Variants in FAM193A observed in about 807,000 individuals in gnomAD.
FAM193A encodes family with sequence similarity 193 member A, also known as protein FAM193A.
Under a neutral mutation model 126.5 loss-of-function variants are expected in FAM193A, and 22 were observed. That is an observed-to-expected ratio of 0.17 (90% CI 0.12 to 0.25). The LOEUF is 0.25. FAM193A is among the 10% of genes least tolerant of loss of function. The pLI, the probability that FAM193A is intolerant of heterozygous loss-of-function variation, is 1.00. For missense variants in FAM193A, 1,675 were observed against 1,672.8 expected (o/e 1.00, Z -0.02); for synonymous variants, 761 against 646.8 (o/e 1.18, Z -2.68).
At chr4:2,723,786 G>T (rs1720423811) in intron 20 of FAM193A, among the ~76,000 whole-genome samples, 1 of 146,428 alleles carries the variant, frequency 6.8e-6, no homozygotes, top group Non-Finnish European at 1.5e-5. Context: ...GGAGGGTTGG[G>T]GTTTCTGGGT....
intron 13 of FAM193A, among the ~76,000 whole-genome samples, chr4:2,678,748 G>A (rs962659270): frequency 6.6e-6 from 1 of 152,192 alleles, no homozygotes; most frequent in Non-Finnish European, 1.5e-5. Context: ...GTATAGACAT[G>A]CAGCTGATTT....
chr4:2,668,064 C>G (rs1713332337), intron 12 of FAM193A, among the ~76,000 whole-genome samples: 1 of 152,012 alleles, frequency 6.6e-6, no homozygotes, highest in Non-Finnish European at 1.5e-5. Flanking sequence ...GCCGCCATGA[C>G]CGGCTAAGTT....
Position 2,689,651 on chromosome 4 carries a change from T to C in FAM193A, c.2477T>C (p.Val826Ala), listed in dbSNP as rs1716134804. 2.5e-6 allele frequency: 4 copies of C among 1,576,382 alleles called. No individual in the cohort carries two copies. The highest frequency in any genetic ancestry group is 3.4e-6 in the Non-Finnish European group (4 of 1,168,030). Residue 826 changes from valine (V) to alanine (A), a missense_variant, in exon 14 of 21, where the codon GTG becomes GCG. By Grantham distance (64) the Val-to-Ala change is moderately conservative. Around this residue, in one of 4 missense-constraint regions of FAM193A, gnomAD observed 1,186 missense variants for 1,109.2 expected, o/e 1.07. Transcript: ENST00000637812. The stretch of plus-strand genomic sequence containing the variant: ...TTTATAAGTCTTTGGGGATCAGAAG[T>C]GATGAATGATAAGAACTGGAATCCT... ...SKFISLWGSE[V>A]MNDKNWNPGT...
At chr4:2,538,486 C>A (rs1737025490) in intron 1 of FAM193A, among the ~76,000 whole-genome samples, 1 of 152,132 alleles carries the variant, frequency 6.6e-6, no homozygotes, top group African/African-American at 2.4e-5. Context: ...AGCCACCGCG[C>A]CCGGCCGTTT....
At chr4:2,568,417 G>A (rs1739094467) in intron 1 of FAM193A, among the ~76,000 whole-genome samples, 1 of 152,198 alleles carries the variant, frequency 6.6e-6, no homozygotes, top group Non-Finnish European at 1.5e-5. Flanking sequence ...CTGCTCAGGA[G>A]GCTGAGGAGG....
chr4:2,715,962 C>G, intron 19 of FAM193A, 61 bp from the exon 20 acceptor site: 2 of 939,856 alleles, frequency 2.1e-6, no homozygotes, highest in Non-Finnish European at 3.5e-6. Flanking sequence ...ATGATTTCTT[C>G]CGTTCTGATA....
At chr4:2,611,838 AT>A (rs1339000637) in intron 2 of FAM193A, among the ~76,000 whole-genome samples, 3,605 of 136,134 alleles carry the variant, frequency 0.026, 39 homozygotes, top group South Asian at 0.051. Flanking sequence ...GATCAAATCC[AT>A]TTTTTTTTTT....
At position 2,562,610 on chromosome 4, in the gene FAM193A, C is replaced by G. The variant is rs187085552; in HGVS notation, c.255+25440C>G. On this transcript the variant is annotated intron_variant, in intron 1 of 20. Transcript: ENST00000637812. The stretch of plus-strand genomic sequence containing the variant: ...CTTTACAAAAGTGGCACCCACCCCC[C>G]AACTTGATCTGCATTTCCTTTTTTT... 1.1e-3 allele frequency among the ~76,000 whole-genome samples: 169 copies of G among 151,996 alleles called. 1 individual carries two copies. Among genetic ancestry groups the G allele is most frequent in the Non-Finnish European group, 3.4e-4 (23 of 67,976 alleles).
intron 2 of FAM193A, among the ~76,000 whole-genome samples, chr4:2,598,853 C>G (rs1741024615): frequency 6.6e-6 from 1 of 152,190 alleles, no homozygotes; most frequent in Non-Finnish European, 1.5e-5. Context: ...GGCAAGGTCT[C>G]CGATGGTGGC....
In FAM193A at chr4:2,628,789, G is replaced by A. The variant is rs185334333; in HGVS notation, c.804-2146G>A. Reference sequence around the variant, plus strand: ...GTGTGTAGTTGATGTGCCCGCATCTGTTGAATGTGTGTGTGAGTTAGCGAA... The same window carrying A: ...GTGTGTAGTTGATGTGCCCGCATCTATTGAATGTGTGTGTGAGTTAGCGAA... On this transcript the variant is annotated intron_variant, in intron 4 of 20. Transcript: ENST00000637812. Among the ~76,000 whole-genome samples, 522 of 152,024 alleles carry A rather than the reference G, an allele frequency of 3.4e-3. 3 individuals are homozygous for A. The highest frequency in any genetic ancestry group is 0.012 in the African/African-American group (507 of 41,458).
At chr4:2,688,573 T>C (rs1716010017) in intron 13 of FAM193A, among the ~76,000 whole-genome samples, 1 of 152,066 alleles carries the variant, frequency 6.6e-6, no homozygotes, top group Non-Finnish European at 1.5e-5. Flanking sequence ...GTGGAGGTGG[T>C]GGGCCCAGCT....
In FAM193A at chr4:2,625,331, G is replaced by C. The variant is rs1379829435; in HGVS notation, c.571G>C (p.Ala191Pro). ...AGAGGCCGGCAGTGGTGGGAGGCTC[G>C]CTCTGGGTGCACAGACGCTGCCTTC... ...QPEAGSGGRL[A>P]LGAQTLPSDT... The change falls in exon 3 of 21, where the codon GCT (alanine) becomes CCT (proline). Residue 191 changes from alanine to proline, a missense_variant. This residue lies in a region of FAM193A where 1,186 missense variants were observed against 1,109.2 expected (regional missense o/e 1.07). Transcript: ENST00000637812. The C allele has an allele frequency of 1.4e-6, 1 of 703,026 alleles. No individual in the cohort carries two copies. The highest frequency in any genetic ancestry group is 1.5e-5 in the South Asian group (1 of 67,602). 43.5% of individuals were successfully genotyped at this position (703,026 alleles called of 1,614,324 possible).
At chr4:2,600,387 T>G (rs1741127271) in intron 2 of FAM193A, among the ~76,000 whole-genome samples, 1 of 152,212 alleles carries the variant, frequency 6.6e-6, no homozygotes, top group African/African-American at 2.4e-5. Context: ...GTCTCTTCCC[T>G]CCATGTGGCA....
intron 5 of FAM193A, among the ~76,000 whole-genome samples, chr4:2,633,302 G>A (rs1024883128): frequency 6.6e-6 from 1 of 152,028 alleles, no homozygotes; most frequent in Admixed American, 6.6e-5. Context: ...GGGAGGCTGA[G>A]GCAGGAGAAT....
intron 20 of FAM193A, among the ~76,000 whole-genome samples, chr4:2,729,441 G>C (rs967503883): frequency 1.2e-4 from 18 of 152,170 alleles, no homozygotes; most frequent in Admixed American, 9.8e-4. Flanking sequence ...TCAGAGGCCG[G>C]ATGGGGCACT....
chr4:2,543,348 A>G (rs948416190), intron 1 of FAM193A, among the ~76,000 whole-genome samples: 2 of 151,916 alleles, frequency 1.3e-5, no homozygotes, highest in Non-Finnish European at 2.9e-5. Context: ...CGGCCTCTCA[A>G]AGTGCTAGGA....
Position 2,700,042 on chromosome 4 carries a change from A to G in FAM193A, c.3870A>G (p.Leu1290=). The part of the protein sequence containing the change: ...HMNHSEPRPG[L]GADGDAADPV... ...ACCACTCAGAGCCCAGGCCAGGGCTAGGGGCTGATGGGGATGCTGCAGACC... is the reference window on the plus strand; with the variant it reads ...ACCACTCAGAGCCCAGGCCAGGGCTGGGGGCTGATGGGGATGCTGCAGACC... The change falls in exon 19 of 21, where the codon CTA becomes CTG. Residue 1290 remains leucine (L), a synonymous_variant. Transcript: ENST00000637812. The G allele has an allele frequency of 6.2e-7, 1 of 1,613,980 alleles. No homozygotes were observed. The highest frequency in any genetic ancestry group is 8.5e-7 in the Non-Finnish European group (1 of 1,179,986).
Position 2,707,435 on chromosome 4 carries a change from A to G in FAM193A, c.4372+6891A>G, listed in dbSNP as rs28778910. ...ATACAGTAGCCATTAGTTATATGTC[A>G]TTATCGAGCACTTGAAATGTGGCCA... is the stretch of plus-strand genomic sequence containing the variant. On this transcript the variant is annotated intron_variant, in intron 19 of 20. Transcript: ENST00000637812. Among the ~76,000 whole-genome samples the G allele has an allele frequency of 8.7e-4, 132 of 152,230 alleles. 1 individual carries two copies. The highest frequency in any genetic ancestry group is 1.5e-3 in the Non-Finnish European group (101 of 68,024).
At chr4:2,615,973 G>A (rs552740864) in intron 2 of FAM193A, among the ~76,000 whole-genome samples, 26 of 152,188 alleles carry the variant, frequency 1.7e-4, no homozygotes, top group Non-Finnish European at 3.2e-4. Flanking sequence ...CACCATGCCC[G>A]GCTAATGTTT....
Sources: gnomAD v4.1 joint callset for allele counts (sites outside exome capture counted in the v4.1 genomes callset) on GRCh38, gnomAD v4.1.1 for gene constraint, gnomAD v4.1.1 regional missense constraint, MANE v1.5 for transcripts, NCBI Gene and HGNC (gene_info 2026-07-23, HGNC 2026-07-21) for gene names.